Variants in MEF2C observed in about 807,000 individuals in gnomAD.
The protein encoded by MEF2C is myocyte enhancer factor 2C.
Under a neutral mutation model 50.5 loss-of-function variants are expected in MEF2C, and 6 were observed. The observed-to-expected ratio is 0.12, with a 90% CI of 0.07 to 0.23. The LOEUF (loss-of-function observed/expected upper bound fraction) is 0.23. Ranked by LOEUF, MEF2C falls within the 10% of genes least tolerant of loss-of-function variation. MEF2C has a pLI of 1.00. For missense variants in MEF2C, 276 were observed against 605.0 expected, an observed-to-expected ratio of 0.46 and a Z score of 5.70; for synonymous variants, 183 against 228.0, an observed-to-expected ratio of 0.80 and a Z score of 1.78.
chr5:88,758,942 G>GA (rs1260622746), intron 4 of MEF2C, among the ~76,000 whole-genome samples: 1 of 152,150 alleles, frequency 6.6e-6, no homozygotes, highest in Non-Finnish European at 1.5e-5. Context: ...TAAAGTATGA[G>GA]AAACAAGATC....
intron 2 of MEF2C, among the ~76,000 whole-genome samples, chr5:88,812,415 G>A (rs1422466924): frequency 1.3e-5 from 2 of 152,124 alleles, no homozygotes; most frequent in East Asian, 3.9e-4. Context: ...CTGAGAGAGG[G>A]AAATTTCACA....
intron 3 of MEF2C, among the ~76,000 whole-genome samples, chr5:88,791,990 G>C (rs950946777): frequency 6.6e-6 from 1 of 151,854 alleles, no homozygotes; most frequent in Non-Finnish European, 1.5e-5. Flanking sequence ...CTTAACAGAG[G>C]GGAGGGTAGA....
chr5:88,860,758 G>A (rs1243098586), intron 1 of MEF2C, among the ~76,000 whole-genome samples: 1 of 152,128 alleles, frequency 6.6e-6, no homozygotes, highest in African/African-American at 2.4e-5. Flanking sequence ...ATTCTGGCTT[G>A]AAAGGTACAT....
intron 1 of MEF2C, among the ~76,000 whole-genome samples, chr5:88,859,212 T>A (rs956457732): frequency 2.6e-5 from 4 of 152,176 alleles, no homozygotes; most frequent in African/African-American, 9.7e-5. Flanking sequence ...AAAAATAAAT[T>A]CTGGATTTTC....
At chr5:88,737,378 C>T (rs1581503016) in intron 6 of MEF2C, 1 of 985,350 alleles carries the variant, frequency 1.0e-6, no homozygotes, top group Non-Finnish European at 1.2e-6. Flanking sequence ...ACCTGTTGCA[C>T]CTGTTAATCA....
chr5:88,745,998 A>G (rs1416813680), intron 6 of MEF2C, among the ~76,000 whole-genome samples: 2 of 152,232 alleles, frequency 1.3e-5, no homozygotes, highest in African/African-American at 4.8e-5. Flanking sequence ...AGCAGTTTAG[A>G]TGTCTACTGT....
intron 3 of MEF2C, among the ~76,000 whole-genome samples, chr5:88,800,300 T>A (rs1219849687): frequency 6.6e-6 from 1 of 152,206 alleles, no homozygotes; most frequent in Non-Finnish European, 1.5e-5. Context: ...ATGAGTTCTG[T>A]TGAATTGTTT....
intron 3 of MEF2C, among the ~76,000 whole-genome samples, chr5:88,773,931 C>CTTCT (rs1783592280): frequency 6.6e-6 from 1 of 152,178 alleles, no homozygotes; most frequent in East Asian, 1.9e-4. Context: ...ACTGGCAAAC[C>CTTCT]TTCTGCTTAA....
chr5:88,769,880 A>G, intron 3 of MEF2C: 3 of 821,282 alleles, frequency 3.7e-6, no homozygotes, highest in Non-Finnish European at 4.4e-6. Flanking sequence ...TCTTGACCTC[A>G]TGTAATCCAC....
chr5:88,877,280 A>G (rs1282377346), intron 1 of MEF2C, among the ~76,000 whole-genome samples: 1 of 152,016 alleles, frequency 6.6e-6, no homozygotes, highest in Admixed American at 6.6e-5. Context: ...CATTGGCTGT[A>G]TTTTAAAAAT....
chr5:88,728,404 A>C (rs1188188917), intron 10 of MEF2C, 89 bp downstream of exon 10: 1 of 1,034,622 alleles, frequency 9.7e-7, no homozygotes, highest in African/African-American at 1.7e-5. Flanking sequence ...TATACCCGTT[A>C]ATGGGATATT....
At chr5:88,751,033 ATT>A (rs1295675696) in intron 5 of MEF2C, 1 of 930,378 alleles carries the variant, frequency 1.1e-6, no homozygotes, top group East Asian at 1.2e-4. Flanking sequence ...TAAAGGAATA[ATT>A]TTGTTATATT....
chr5:88,789,332 A>C lies in MEF2C; in HGVS notation c.258+15266T>G, dbSNP rs569130503. Among the ~76,000 whole-genome samples, 4 of 151,972 alleles carry C rather than the reference A, an allele frequency of 2.6e-5. No individual in the cohort carries two copies. The South Asian group carries it at 8.3e-4, about 32-fold the overall frequency. The stretch of plus-strand genomic sequence containing the variant: ...CAGGTATGCACCACCACATCCAGCT[A>C]ATTTATTTTTATTTTTGTAGAGTTG... On this transcript the variant is annotated intron_variant, in intron 3 of 10. Coordinates refer to ENST00000504921, the MANE Select transcript of MEF2C (RefSeq NM_002397.5).
In MEF2C at chr5:88,729,297, C is replaced by T; in HGVS notation, c.885G>A (p.Val295=). Residue 295 remains valine (V), a synonymous_variant, in exon 9 of 11, where the codon GTG becomes GTA. Coordinates refer to ENST00000504921, the MANE Select transcript of MEF2C (RefSeq NM_002397.5). ...GTAAAGTAGGAGTTGCTACGGAAAC[C>T]ACTGGGGTAGCCAATGACTGAGCCG... is the stretch of plus-strand genomic sequence containing the variant. ...SQSAQSLATP[V]VSVATPTLPG... The T allele has an allele frequency of 6.2e-7, 1 of 1,612,594 alleles. No individual in the cohort carries two copies. Among genetic ancestry groups the T allele is most frequent in the South Asian group, 1.1e-5 (1 of 91,038 alleles).
At chr5:88,782,032 C>T in intron 3 of MEF2C, 1 of 608,130 alleles carries the variant, frequency 1.6e-6, no homozygotes, top group Non-Finnish European at 2.1e-6. Flanking sequence ...ATCTTTTGAT[C>T]CCAGGAGTTT....
At chr5:88,731,412 GA>G (rs1482995881) in intron 7 of MEF2C, 1 of 256,814 alleles carries the variant, frequency 3.9e-6, no homozygotes, top group African/African-American at 2.3e-5. Flanking sequence ...ATGGGACGTA[GA>G]GATTGACCGA....
chr5:88,783,123 C>G (rs549956770), intron 3 of MEF2C, among the ~76,000 whole-genome samples: 2 of 152,256 alleles, frequency 1.3e-5, no homozygotes, highest in South Asian at 4.1e-4. Flanking sequence ...GCTGCCTGTC[C>G]TGACCTTTTA....
At position 88,722,584 on chromosome 5, in the gene MEF2C, A is replaced by C; in HGVS notation, c.*20T>G. 6.3e-7 allele frequency: 1 copy of C among 1,574,998 alleles called. No homozygotes were observed. The highest frequency in any genetic ancestry group is 1.4e-5 in the African/African-American group (1 of 71,010). The stretch of plus-strand genomic sequence containing the variant: ...CACACACTGCAAGAAAAAAAAAAAA[A>C]CTAGTAAGTAATAATCTGATCATGT... On this transcript the variant is annotated 3_prime_UTR_variant, in exon 11 of 11. Coordinates refer to ENST00000504921, the MANE Select transcript of MEF2C (RefSeq NM_002397.5).
At chr5:88,798,209 T>G (rs1372645995) in intron 3 of MEF2C, among the ~76,000 whole-genome samples, 1 of 152,208 alleles carries the variant, frequency 6.6e-6, no homozygotes, top group Middle Eastern at 3.2e-3. Context: ...GGGGAAGTTC[T>G]CCTGGATAAT....
Sources: gnomAD v4.1 joint callset for allele counts (sites outside exome capture counted in the v4.1 genomes callset) on GRCh38, gnomAD v4.1.1 for gene constraint, MANE v1.5 for transcripts, NCBI Gene and HGNC (gene_info 2026-07-23, HGNC 2026-07-21) for gene names.